Variants in FOXK2 observed in about 807,000 individuals in gnomAD.
FOXK2 encodes the protein forkhead box protein K2.
Under a neutral mutation model 53.3 loss-of-function variants are expected in FOXK2, and 24 were observed. The observed-to-expected ratio is 0.45, with a 90% CI of 0.33 to 0.63. The LOEUF (loss-of-function observed/expected upper bound fraction) is 0.63. Ranked by LOEUF, FOXK2 falls within the 30% of genes least tolerant of loss-of-function variation. The probability of loss-of-function intolerance (pLI) is 0.03; values close to 1 mark genes in which losing one functional copy is unlikely to be tolerated. For synonymous variants in FOXK2, 505 were observed against 407.1 expected (o/e 1.24, Z -2.89); for missense variants, 952 against 910.5 (o/e 1.05, Z -0.59).
intron 1 of FOXK2, among the ~76,000 whole-genome samples, chr17:82,528,279 C>T (rs1254848542): frequency 2.0e-5 from 3 of 152,058 alleles, no homozygotes; most frequent in Non-Finnish European, 4.4e-5. Context: ...CAGATTTTTC[C>T]ATTGTGAAAA....
intron 4 of FOXK2, among the ~76,000 whole-genome samples, chr17:82,573,562 T>TCTCACACA (rs1185597025): frequency 0.062 from 5,110 of 83,084 alleles, 126 homozygotes; most frequent in Admixed American, 0.1. Context: ...TCTCTCTCTC[T>TCTCACACA]CACACACACA....
intron 1 of FOXK2, among the ~76,000 whole-genome samples, chr17:82,521,687 T>A (rs2044362741): frequency 6.9e-6 from 1 of 145,714 alleles, no homozygotes; most frequent in Admixed American, 6.9e-5. Flanking sequence ...ATCCCAGCAC[T>A]TTGGGAGGCC....
Position 82,587,102 on chromosome 17 carries a change from T to C in FOXK2, c.1616T>C (p.Leu539Pro), listed in dbSNP as rs781108033. The change falls in exon 8 of 9, where the codon CTC (leucine) becomes CCC (proline). Residue 539 changes from leucine (L) to proline (P), a missense_variant. Leu to Pro is a moderately conservative substitution (Grantham distance 98). This residue lies in a region of FOXK2 where 551 missense variants were observed against 385.1 expected (regional missense o/e 1.43). Transcript: ENST00000335255. ...EPIPAIGHAT[L>P]GTASRIIQTA... ...ATTCCCGCCATTGGCCACGCCACGC[T>C]CGGCACTGCCAGCCGGATCATTCAG... The C allele has an allele frequency of 2.5e-6, 4 of 1,611,722 alleles. No individual in the cohort carries two copies. The African/African-American group carries it at 5.3e-5, about 22-fold the overall frequency.
intron 2 of FOXK2, 120 bp from the exon 3 acceptor site, chr17:82,567,934 T>TC (rs940245136): frequency 1.5e-5 from 7 of 473,648 alleles, no homozygotes; most frequent in African/African-American, 1.3e-4. Context: ...TCCTTTTTTT[T>TC]TTTTTTTTTT....
At chr17:82,559,610 C>G (rs1045437421) in intron 1 of FOXK2, 5 of 407,684 alleles carry the variant, frequency 1.2e-5, no homozygotes, top group African/African-American at 8.2e-5. Context: ...GAACCTCGTG[C>G]CAGGCTGGTC....
At chr17:82,572,374 G>A (rs548306101) in intron 4 of FOXK2, among the ~76,000 whole-genome samples, 1 of 152,164 alleles carries the variant, frequency 6.6e-6, no homozygotes. Flanking sequence ...ACAGATGAAC[G>A]TGGTGTGCCC....
chr17:82,550,464 A>C (rs1049129439), intron 1 of FOXK2, among the ~76,000 whole-genome samples: 2 of 151,424 alleles, frequency 1.3e-5, no homozygotes, highest in Admixed American at 1.3e-4. Context: ...TGTTGGCAGT[A>C]AGGCATTAAA....
intron 8 of FOXK2, among the ~76,000 whole-genome samples, chr17:82,594,223 G>A (rs2045285419): frequency 6.6e-6 from 1 of 152,234 alleles, no homozygotes; most frequent in Non-Finnish European, 1.5e-5. Context: ...GACAGGCCGG[G>A]CACGGCGGCT....
chr17:82,542,281 C>T (rs532073299), intron 1 of FOXK2, among the ~76,000 whole-genome samples: 8 of 152,034 alleles, frequency 5.3e-5, no homozygotes, highest in Non-Finnish European at 1.0e-4. Context: ...CCTGCCTCAG[C>T]CTCCCGAGTA....
intron 5 of FOXK2, 151 bp from the exon 6 acceptor site, chr17:82,583,862 G>A (rs898879192): frequency 6.7e-5 from 52 of 770,404 alleles, no homozygotes; most frequent in Non-Finnish European, 9.6e-5. Context: ...GTTCACAGGC[G>A]TAGGCGTGCA....
chr17:82,539,762 C>T (rs756964915), intron 1 of FOXK2, among the ~76,000 whole-genome samples: 29 of 151,528 alleles, frequency 1.9e-4, no homozygotes, highest in Non-Finnish European at 3.8e-4. Context: ...GTCAGGAGTT[C>T]GAGACCAGGC....
intron 8 of FOXK2, among the ~76,000 whole-genome samples, chr17:82,592,049 G>A (rs1326607066): frequency 1.3e-5 from 2 of 152,204 alleles, no homozygotes; most frequent in African/African-American, 4.8e-5. Flanking sequence ...GACTACAGGT[G>A]TGCAGCACCA....
chr17:82,543,169 T>TA (rs2044590368), intron 1 of FOXK2, among the ~76,000 whole-genome samples: 1 of 119,948 alleles, frequency 8.3e-6, no homozygotes, highest in Non-Finnish European at 1.9e-5. Flanking sequence ...TTAAAACTGT[T>TA]ATCTAAATCC....
At chr17:82,550,215 CAA>C (rs1310217342) in intron 1 of FOXK2, among the ~76,000 whole-genome samples, 1 of 152,158 alleles carries the variant, frequency 6.6e-6, no homozygotes, top group Admixed American at 6.6e-5. Context: ...CACACACACA[CAA>C]AGAGCTTCTT....
Position 82,601,564 on chromosome 17 carries a change from G to A in FOXK2, c.*65G>A, listed in dbSNP as rs2045386076. 4.0e-6 allele frequency: 6 copies of A among 1,482,528 alleles called. No individual in the cohort carries two copies. The highest frequency in any genetic ancestry group is 2.0e-5 in the Admixed American group (1 of 49,236). The allele number at this position is 1,482,528 out of a possible 1,614,324, so 91.8% of individuals were successfully genotyped here. ...GTGCCAAAAGGAGACGCGGCCTCCCGCCAGCACTCGGGGGTGCAGGGCCCT... is the reference window on the plus strand; with the variant it reads ...GTGCCAAAAGGAGACGCGGCCTCCCACCAGCACTCGGGGGTGCAGGGCCCT... On this transcript the variant is annotated 3_prime_UTR_variant, in exon 9 of 9. Coordinates refer to ENST00000335255, the MANE Select transcript of FOXK2 (RefSeq NM_004514.4).
chr17:82,531,139 C>G (rs923933621), intron 1 of FOXK2, among the ~76,000 whole-genome samples: 6 of 152,084 alleles, frequency 3.9e-5, no homozygotes, highest in Non-Finnish European at 8.8e-5. Context: ...GTTCTGTGGG[C>G]TGGGCTGATT....
intron 3 of FOXK2, among the ~76,000 whole-genome samples, chr17:82,569,853 T>C (rs1378267533): frequency 6.6e-6 from 1 of 151,596 alleles, no homozygotes; most frequent in African/African-American, 2.4e-5. Flanking sequence ...CTGGGCAACA[T>C]AGCAAGACCC....
chr17:82,574,321 CTTTT>C (rs750973206), intron 4 of FOXK2, among the ~76,000 whole-genome samples: 2 of 137,210 alleles, frequency 1.5e-5, no homozygotes, highest in Non-Finnish European at 3.1e-5. Context: ...TACTCTCTCT[CTTTT>C]TTTTTTTTTT....
In FOXK2 at chr17:82,584,025, C is replaced by A. The variant is rs2045100698; in HGVS notation, c.1116C>A (p.Ala372=). Residue 372 remains alanine, a synonymous_variant, in exon 6 of 9, where the codon GCC becomes GCA. Coordinates refer to ENST00000335255, the MANE Select transcript of FOXK2 (RefSeq NM_004514.4). ...CTCGGTGACACAGGAGTGCCCCAGCCTCTCCCAATCACGCGGGAGTGCTGT... is the reference window on the plus strand; with the variant it reads ...CTCGGTGACACAGGAGTGCCCCAGCATCTCCCAATCACGCGGGAGTGCTGT... ...LGPLSSRSAP[A]SPNHAGVLSA... 4 of 1,600,220 alleles carry A rather than the reference C, an allele frequency of 2.5e-6. No individual in the cohort carries two copies. In the Admixed American group the frequency reaches 5.1e-5, roughly 20 times the overall value.
Sources: allele counts gnomAD v4.1 joint callset (sites outside exome capture counted in the v4.1 genomes callset), GRCh38; gene constraint gnomAD v4.1.1; regional missense constraint gnomAD v4.1.1; transcripts MANE v1.5; gene names NCBI Gene and HGNC (gene_info 2026-07-23, HGNC 2026-07-21).